Variants in WWOX observed in about 807,000 individuals in gnomAD.
WWOX encodes WW domain containing oxidoreductase, also known as WW domain-containing oxidoreductase.
In WWOX, 69 loss-of-function variants were observed where a neutral mutation model predicts 46.2. The observed-to-expected ratio is 1.49, with a 90% CI of 1.23 to 1.82. The LOEUF (loss-of-function observed/expected upper bound fraction) is 1.82. Ranked by LOEUF, WWOX falls within the 40% of genes most tolerant of loss-of-function variation. The pLI is 0.00. For missense variants in WWOX, 919 were observed against 542.6 expected, an observed-to-expected ratio of 1.69 and a Z score of -6.89; for synonymous variants, 359 against 202.6, an observed-to-expected ratio of 1.77 and a Z score of -6.56.
chr16:78,775,898 G>A (rs1213563743), intron 8 of WWOX, among the ~76,000 whole-genome samples: 1 of 152,176 alleles, frequency 6.6e-6, no homozygotes, highest in Non-Finnish European at 1.5e-5. Flanking sequence ...GCCCCTGTAA[G>A]AGCTTGAATC....
At chr16:78,889,992 TTC>T (rs2044553085) in intron 8 of WWOX, among the ~76,000 whole-genome samples, 1 of 152,210 alleles carries the variant, frequency 6.6e-6, no homozygotes. Context: ...CTGTTTTTTT[TTC>T]TCTTTCTCCT....
chr16:78,290,889 T>A (rs1481235241), intron 5 of WWOX, among the ~76,000 whole-genome samples: 1 of 152,238 alleles, frequency 6.6e-6, no homozygotes, highest in East Asian at 1.9e-4. Context: ...TTATATTATT[T>A]CGTTGCTAAG....
intron 8 of WWOX, among the ~76,000 whole-genome samples, chr16:78,921,425 C>G (rs1158207466): frequency 6.6e-6 from 1 of 152,176 alleles, no homozygotes; most frequent in Non-Finnish European, 1.5e-5. Flanking sequence ...AGATAGAATC[C>G]TGAAGCATTT....
At position 78,758,290 on chromosome 16, in the gene WWOX, G is replaced by T. The variant is rs148393287; in HGVS notation, c.1056+325538G>T. ...AGAATACTCTAAGCCCAATGCTTGT[G>T]TTCTCTTTGGGCAAATGGAAGATGA... On this transcript the variant is annotated intron_variant, in intron 8 of 8. Transcript: ENST00000566780. Among the ~76,000 whole-genome samples the T allele has an allele frequency of 2.6e-5, 4 of 152,282 alleles. No individual in the cohort carries two copies. In the East Asian group the frequency reaches 7.7e-4, roughly 29 times the overall value.
At chr16:79,200,635 CT>C (rs996009345) in intron 8 of WWOX, among the ~76,000 whole-genome samples, 57 of 151,318 alleles carry the variant, frequency 3.8e-4, no homozygotes, top group South Asian at 1.9e-3. Flanking sequence ...CCGTCGTCGT[CT>C]TTTTTTTTGG....
chr16:78,633,971 T>G (rs932554766), intron 8 of WWOX, among the ~76,000 whole-genome samples: 4 of 151,868 alleles, frequency 2.6e-5, no homozygotes, highest in Non-Finnish European at 2.9e-5. Flanking sequence ...GAGTGTCCTT[T>G]TATTAGTCTG....
chr16:78,693,875 G>A (rs1009421044), intron 8 of WWOX, among the ~76,000 whole-genome samples: 3 of 152,054 alleles, frequency 2.0e-5, no homozygotes, highest in African/African-American at 7.2e-5. Context: ...CTGAAGTTGT[G>A]GTTGTAAGAT....
intron 6 of WWOX, among the ~76,000 whole-genome samples, chr16:78,398,571 C>G (rs28591434): frequency 0.049 from 7,486 of 152,198 alleles, 627 homozygotes; most frequent in African/African-American, 0.17. Context: ...AGCAACACAC[C>G]CAATCATTGT....
At chr16:78,545,999 T>C (rs540142336) in intron 8 of WWOX, among the ~76,000 whole-genome samples, 1 of 152,312 alleles carries the variant, frequency 6.6e-6, no homozygotes, top group East Asian at 1.9e-4. Flanking sequence ...AACTTCAGGA[T>C]ATAAATTTGA....
At chr16:79,097,744 G>A (rs574887987) in intron 8 of WWOX, among the ~76,000 whole-genome samples, 60 of 152,244 alleles carry the variant, frequency 3.9e-4, no homozygotes, top group African/African-American at 1.3e-3. Flanking sequence ...ATTTAGGGAA[G>A]GCGATCATGT....
chr16:78,329,987 T>G (rs2080717999), intron 5 of WWOX, among the ~76,000 whole-genome samples: 1 of 152,132 alleles, frequency 6.6e-6, no homozygotes, highest in Non-Finnish European at 1.5e-5. Context: ...ATTCCTGGCC[T>G]CAAGCGATCC....
At chr16:78,962,821 A>G (rs2046296528) in intron 8 of WWOX, among the ~76,000 whole-genome samples, 3 of 152,216 alleles carry the variant, frequency 2.0e-5, no homozygotes, top group Admixed American at 6.5e-5. Context: ...CATCAGCATT[A>G]AGAGGTAACC....
intron 8 of WWOX, among the ~76,000 whole-genome samples, chr16:78,723,762 C>A (rs1028035712): frequency 1.3e-5 from 2 of 151,996 alleles, no homozygotes; most frequent in African/African-American, 4.8e-5. Flanking sequence ...TTTCCCACCT[C>A]TGCCAAGGTC....
intron 8 of WWOX, among the ~76,000 whole-genome samples, chr16:79,157,393 T>G (rs865952082): frequency 1.5e-4 from 23 of 150,882 alleles, no homozygotes; most frequent in Middle Eastern, 3.4e-3. Flanking sequence ...TCATAAACTG[T>G]GTCTCAGTTT....
At chr16:78,592,778 C>A (rs1414086106) in intron 8 of WWOX, among the ~76,000 whole-genome samples, 1 of 152,166 alleles carries the variant, frequency 6.6e-6, no homozygotes, top group African/African-American at 2.4e-5. Flanking sequence ...GCTGGGGTGG[C>A]CACTCCACCG....
chr16:78,438,029 A>G (rs1348997933), intron 8 of WWOX, among the ~76,000 whole-genome samples: 1 of 152,142 alleles, frequency 6.6e-6, no homozygotes, highest in Non-Finnish European at 1.5e-5. Context: ...TGGTGCACAT[A>G]AGGGATTTTC....
At chr16:78,243,203 C>T (rs190553841) in intron 5 of WWOX, among the ~76,000 whole-genome samples, 37 of 152,108 alleles carry the variant, frequency 2.4e-4, no homozygotes, top group African/African-American at 7.0e-4. Flanking sequence ...TAGTAATACA[C>T]GTTTCTTCTA....
chr16:78,158,259 CAT>C (rs1395536516), intron 4 of WWOX, among the ~76,000 whole-genome samples: 1 of 152,200 alleles, frequency 6.6e-6, no homozygotes, highest in Non-Finnish European at 1.5e-5. Context: ...TGCATATTAA[CAT>C]TATCTTGTAA....
intron 6 of WWOX, among the ~76,000 whole-genome samples, chr16:78,408,152 G>A (rs554107802): frequency 3.3e-5 from 5 of 152,270 alleles, no homozygotes; most frequent in African/African-American, 1.2e-4. Flanking sequence ...CAAGCTACAA[G>A]TTAAATCCTC....
Sources: allele counts gnomAD v4.1 joint callset (sites outside exome capture counted in the v4.1 genomes callset), GRCh38; gene constraint gnomAD v4.1.1; transcripts MANE v1.5; gene names NCBI Gene and HGNC (gene_info 2026-07-23, HGNC 2026-07-21).